Variants in KIF26B observed in about 807,000 individuals in gnomAD.
The protein encoded by KIF26B is kinesin-like protein KIF26B.
In KIF26B, 63 loss-of-function variants were observed where a neutral mutation model predicts 151.2. The ratio of observed to expected loss-of-function variants is 0.42; its 90% CI spans 0.34 to 0.51. The LOEUF is 0.51. KIF26B is among the 20% of genes least tolerant of loss of function. KIF26B has a pLI of 0.07. For synonymous variants in KIF26B, 1,357 were observed against 1,262.1 expected, an observed-to-expected ratio of 1.08 and a Z score of -1.59; for missense variants, 2,813 against 2,913.6, an observed-to-expected ratio of 0.97 and a Z score of 0.79.
At chr1:245,507,677 G>A (rs1660751325) in intron 4 of KIF26B, among the ~76,000 whole-genome samples, 1 of 152,182 alleles carries the variant, frequency 6.6e-6, no homozygotes, top group Non-Finnish European at 1.5e-5. Context: ...ATGGCCCCAG[G>A]ATTGCTGGTG....
At chr1:245,498,248 T>C (rs1484204781) in intron 4 of KIF26B, among the ~76,000 whole-genome samples, 1 of 152,162 alleles carries the variant, frequency 6.6e-6, no homozygotes, top group Non-Finnish European at 1.5e-5. Context: ...TGCTTTAGTG[T>C]GGTCAGAGAA....
At position 245,508,303 on chromosome 1, in the gene KIF26B, C is replaced by G. The variant is rs373142939; in HGVS notation, c.1167-32464C>G. Reference sequence around the variant, plus strand: ...TCGCCCAGGCTGGAGTGCAGTGGCGCGATCTCGGCTCACTGCAAGCTCCGC... The same window carrying G: ...TCGCCCAGGCTGGAGTGCAGTGGCGGGATCTCGGCTCACTGCAAGCTCCGC... On this transcript the variant is annotated intron_variant, in intron 4 of 14. Coordinates refer to ENST00000407071, the MANE Select transcript of KIF26B (RefSeq NM_018012.4). 1.8e-3 allele frequency among the ~76,000 whole-genome samples: 274 copies of G among 152,256 alleles called. 3 individuals carry two copies. The highest frequency in any genetic ancestry group is 6.3e-3 in the African/African-American group (260 of 41,558).
At chr1:245,247,183 G>C (rs1670349983) in intron 2 of KIF26B, among the ~76,000 whole-genome samples, 2 of 152,040 alleles carry the variant, frequency 1.3e-5, no homozygotes, top group African/African-American at 2.4e-5. Flanking sequence ...GGGCATGGTG[G>C]CTCGTGCCTG....
intron 3 of KIF26B, among the ~76,000 whole-genome samples, chr1:245,378,923 G>C (rs139124818): frequency 2.0e-5 from 3 of 152,138 alleles, no homozygotes; most frequent in Non-Finnish European, 2.9e-5. Context: ...ATGTGAGAGG[G>C]CGTGTTTTGC....
chr1:245,672,028 A>G (rs1558262197), intron 10 of KIF26B, among the ~76,000 whole-genome samples: 1 of 143,990 alleles, frequency 6.9e-6, no homozygotes, highest in East Asian at 1.9e-4. Flanking sequence ...TCACCATCAC[A>G]TGATAAGGGG....
chr1:245,222,061 T>A (rs1669785080), intron 2 of KIF26B, among the ~76,000 whole-genome samples: 1 of 152,218 alleles, frequency 6.6e-6, no homozygotes, highest in Non-Finnish European at 1.5e-5. Context: ...CATTCTCAGT[T>A]CTTTTATCTG....
chr1:245,549,361 A>T (rs1661825962), intron 5 of KIF26B, among the ~76,000 whole-genome samples: 1 of 152,242 alleles, frequency 6.6e-6, no homozygotes, highest in African/African-American at 2.4e-5. Context: ...AAGATGGATT[A>T]TAATGCCAGA....
chr1:245,335,982 AGG>A (rs1393819543), intron 2 of KIF26B, among the ~76,000 whole-genome samples: 4 of 124,682 alleles, frequency 3.2e-5, no homozygotes, highest in Admixed American at 1.6e-4. Flanking sequence ...CAGGGAAAGG[AGG>A]GTCCCACGCA....
chr1:245,229,470 C>A (rs1050311754), intron 2 of KIF26B, among the ~76,000 whole-genome samples: 1 of 152,178 alleles, frequency 6.6e-6, no homozygotes, highest in Non-Finnish European at 1.5e-5. Context: ...GACTTACTAA[C>A]TTTCAACTTT....
chr1:245,407,912 T>C (rs1257717723), intron 3 of KIF26B, among the ~76,000 whole-genome samples: 1 of 151,960 alleles, frequency 6.6e-6, no homozygotes, highest in East Asian at 1.9e-4. Flanking sequence ...GCATGGACAG[T>C]GTCCACTGTC....
At chr1:245,519,881 G>A (rs984646988) in intron 4 of KIF26B, among the ~76,000 whole-genome samples, 4 of 152,174 alleles carry the variant, frequency 2.6e-5, no homozygotes, top group East Asian at 1.9e-4. Flanking sequence ...AACGTTATAC[G>A]GTGCATGACT....
chr1:245,362,661 T>G (rs1449365833), intron 2 of KIF26B, among the ~76,000 whole-genome samples: 1 of 152,164 alleles, frequency 6.6e-6, no homozygotes, highest in Admixed American at 6.5e-5. Flanking sequence ...TTTGGCCACA[T>G]TATCTTTATT....
At chr1:245,208,809 G>A (rs552997408) in intron 2 of KIF26B, among the ~76,000 whole-genome samples, 1 of 152,276 alleles carries the variant, frequency 6.6e-6, no homozygotes, top group Non-Finnish European at 1.5e-5. Flanking sequence ...TAGCATGTGT[G>A]AGTCGCCACT....
intron 2 of KIF26B, among the ~76,000 whole-genome samples, chr1:245,322,783 G>C (rs4658751): frequency 0.26 from 38,932 of 152,062 alleles, 6,169 homozygotes; most frequent in African/African-American, 0.41. Flanking sequence ...GCAGAGCAAA[G>C]TTGTTAAAAA....
Position 245,688,457 on chromosome 1 carries a change from C to T in KIF26B, c.5474C>T (p.Ala1825Val). ...GAGARGLQLRAGPEAEARGGA... is the reference protein window; with the variant it reads ...GAGARGLQLRVGPEAEARGGA... ...GGCGCCCGGGGCTTGCAGCTGCGGGCCGGGCCCGAGGCGGAGGCGCGCGGG... is the reference window on the plus strand; with the variant it reads ...GGCGCCCGGGGCTTGCAGCTGCGGGTCGGGCCCGAGGCGGAGGCGCGCGGG... The change falls in exon 12 of 15, where the codon GCC becomes GTC. Residue 1825 changes from alanine (A) to valine (V), a missense_variant. Physicochemically the swap from Ala to Val is moderately conservative, Grantham distance 64 (BLOSUM62 0). This residue lies in a region of KIF26B where 2,060 missense variants were observed against 2,088.6 expected (regional missense o/e 0.99). Coordinates refer to ENST00000407071, the MANE Select transcript of KIF26B (RefSeq NM_018012.4). 7.3e-7 allele frequency: 1 copy of T among 1,371,956 alleles called. No individual in the cohort carries two copies. The highest frequency in any genetic ancestry group is 9.3e-7 in the Non-Finnish European group (1 of 1,074,158). The allele number at this position is 1,371,956 out of a possible 1,614,324, so 85.0% of individuals were successfully genotyped here.
intron 4 of KIF26B, among the ~76,000 whole-genome samples, chr1:245,447,669 C>T (rs770591536): frequency 6.6e-6 from 1 of 152,154 alleles, no homozygotes; most frequent in Non-Finnish European, 1.5e-5. Flanking sequence ...TTTCATAAGA[C>T]ATGCCCACCA....
intron 4 of KIF26B, among the ~76,000 whole-genome samples, chr1:245,517,977 A>G (rs1558196213): frequency 6.6e-6 from 1 of 151,560 alleles, no homozygotes. Flanking sequence ...GGTTCAAGCA[A>G]TCCTCTGCCT....
intron 10 of KIF26B, among the ~76,000 whole-genome samples, chr1:245,680,379 T>TTA (rs1322286007): frequency 1.2e-4 from 19 of 152,314 alleles, no homozygotes; most frequent in Non-Finnish European, 2.2e-4. Flanking sequence ...AAATGCCGGT[T>TTA]GCTAAGCAGC....
intron 4 of KIF26B, among the ~76,000 whole-genome samples, chr1:245,484,864 C>T (rs1222035680): frequency 1.3e-5 from 2 of 151,806 alleles, no homozygotes; most frequent in Non-Finnish European, 2.9e-5. Context: ...GACTGGGCCC[C>T]TGAGAGTTGC....
Sources: gnomAD v4.1 joint callset for allele counts (sites outside exome capture counted in the v4.1 genomes callset) on GRCh38, gnomAD v4.1.1 for gene constraint, gnomAD v4.1.1 regional missense constraint, MANE v1.5 for transcripts, NCBI Gene and HGNC (gene_info 2026-07-23, HGNC 2026-07-21) for gene names.